Variants in GPR137C observed in about 807,000 individuals in gnomAD.
GPR137C encodes integral membrane protein GPR137C.
Under a neutral mutation model 43.4 loss-of-function variants are expected in GPR137C, and 27 were observed. That is an observed-to-expected ratio of 0.62 (90% CI 0.46 to 0.86). The LOEUF is 0.86. Ranked by LOEUF, GPR137C falls within the 40% of genes least tolerant of loss-of-function variation. The probability of loss-of-function intolerance (pLI) is 0.00; values close to 1 mark genes in which losing one functional copy is unlikely to be tolerated. For missense variants in GPR137C, 522 were observed against 534.6 expected, an observed-to-expected ratio of 0.98 and a Z score of 0.23; for synonymous variants, 285 against 226.9, an observed-to-expected ratio of 1.26 and a Z score of -2.30.
In GPR137C at chr14:52,632,217, TC is replaced by T; in HGVS notation, c.777del (p.Arg260GlufsTer16). 6.2e-7 allele frequency: 1 copy of T among 1,608,360 alleles called. No individual in the cohort carries two copies. Among genetic ancestry groups the T allele is most frequent in the Non-Finnish European group, 8.5e-7 (1 of 1,174,866 alleles). ...CTCTGTAGTCATTCTTCTGTACTCT[TC>T]CAGAGCTTGTTATAATTTGGTGGTG... ...VGSVVILLYS[S>X]RACYNLVVVT... On this transcript the variant is annotated frameshift_variant, in exon 4 of 7. Transcript: ENST00000321662. LOFTEE classifies it high-confidence loss of function.
At chr14:52,555,407 A>G (rs1429674786) in intron 1 of GPR137C, among the ~76,000 whole-genome samples, 1 of 152,178 alleles carries the variant, frequency 6.6e-6, no homozygotes, top group African/African-American at 2.4e-5. Flanking sequence ...ATTAAGATAT[A>G]AAGCATTTTC....
chr14:52,596,750 A>G (rs1326250597), intron 1 of GPR137C, among the ~76,000 whole-genome samples: 1 of 152,154 alleles, frequency 6.6e-6, no homozygotes, highest in Non-Finnish European at 1.5e-5. Context: ...TGCTTAGGAA[A>G]GGGAAATTCC....
At position 52,632,316 on chromosome 14, in the gene GPR137C, AC is replaced by A. The variant is rs748797464; in HGVS notation, c.867+9del. The A allele has an allele frequency of 1.9e-6, 3 of 1,596,674 alleles. No individual in the cohort carries two copies. The South Asian group carries it at 3.3e-5, about 18-fold the overall frequency. On this transcript the variant is annotated splice_region_variant and intron_variant, in intron 4 of 6. Coordinates refer to ENST00000321662, the MANE Select transcript of GPR137C (RefSeq NM_001099652.2). Reference sequence around the variant, plus strand: ...GGATAATCTTTCAGATAAGGTAAATACCTACCACGTATTGCCAGTCTAACAA... The same window carrying A: ...GGATAATCTTTCAGATAAGGTAAATACTACCACGTATTGCCAGTCTAACAA...
chr14:52,611,492 T>G (rs2039038787), intron 3 of GPR137C: 1 of 333,948 alleles, frequency 3.0e-6, no homozygotes, highest in African/African-American at 2.2e-5. Context: ...TTTTGTCATA[T>G]TCCTTGAATT....
chr14:52,616,434 C>G (rs1174073755), intron 3 of GPR137C, among the ~76,000 whole-genome samples: 1 of 152,148 alleles, frequency 6.6e-6, no homozygotes, highest in Non-Finnish European at 1.5e-5. Flanking sequence ...GCTGGAATTA[C>G]AGGCATGAGC....
intron 1 of GPR137C, among the ~76,000 whole-genome samples, chr14:52,558,954 T>C (rs2038237146): frequency 1.3e-5 from 2 of 152,142 alleles, no homozygotes; most frequent in South Asian, 4.1e-4. Flanking sequence ...ATATGTGTAA[T>C]TGGAATTATA....
chr14:52,620,506 T>C (rs1203642946), intron 3 of GPR137C, among the ~76,000 whole-genome samples: 1 of 151,970 alleles, frequency 6.6e-6, no homozygotes, highest in Non-Finnish European at 1.5e-5. Flanking sequence ...CTCTAAAATA[T>C]GTCACTCACA....
intron 3 of GPR137C, among the ~76,000 whole-genome samples, chr14:52,621,665 C>G (rs888463498): frequency 4.6e-5 from 7 of 151,738 alleles, no homozygotes; most frequent in Non-Finnish European, 8.9e-5. Flanking sequence ...TATACAGTTG[C>G]AAAGTTCTAA....
chr14:52,593,850 T>C (rs578028989), intron 1 of GPR137C, among the ~76,000 whole-genome samples: 1 of 152,204 alleles, frequency 6.6e-6, no homozygotes, highest in African/African-American at 2.4e-5. Flanking sequence ...CTCTGATCTT[T>C]GTTGTTTCTT....
chr14:52,599,393 ATTGT>A (rs2038895906), intron 2 of GPR137C, among the ~76,000 whole-genome samples: 2 of 148,216 alleles, frequency 1.3e-5, no homozygotes, highest in Admixed American at 6.7e-5. Flanking sequence ...CATAAGGAAT[ATTGT>A]TTAAAACATA....
At chr14:52,561,912 C>G (rs1385574829) in intron 1 of GPR137C, among the ~76,000 whole-genome samples, 1 of 152,146 alleles carries the variant, frequency 6.6e-6, no homozygotes, top group African/African-American at 2.4e-5. Context: ...AAAGGTTGTA[C>G]AGCTTTCTCA....
rs1204318949 is a variant in GPR137C at position 52,553,427 on chromosome 14, G to T, written c.280G>T (p.Ala94Ser). 11 of 1,609,030 alleles carry T rather than the reference G, an allele frequency of 6.8e-6. No individual in the cohort carries two copies. The highest frequency in any genetic ancestry group is 9.3e-6 in the Non-Finnish European group (11 of 1,179,802). ...CCTCTTCCTCTGTCTCCTGTGGGCA[G>T]CGCTCAGGACCACCCTCTTCTCCGC... Reference protein sequence around the residue: ...LCLFLCLLWAALRTTLFSAAF... With the variant: ...LCLFLCLLWASLRTTLFSAAF... Residue 94 changes from alanine to serine, a missense_variant, in exon 1 of 7, where the codon GCG becomes TCG. Transcript: ENST00000321662.
Position 52,635,083 on chromosome 14 carries a change from C to T in GPR137C, c.1258C>T (p.His420Tyr), listed in dbSNP as rs766305588. 8.1e-6 allele frequency: 13 copies of T among 1,598,416 alleles called. No individual in the cohort carries two copies. In the East Asian group the frequency reaches 2.9e-4, roughly 36 times the overall value. Reference sequence around the variant, plus strand: ...TTGTAGTAATTTAGATTTGAACAATCATCATAGCTTATATGTGACACCACA... The same window carrying T: ...TTGTAGTAATTTAGATTTGAACAATTATCATAGCTTATATGTGACACCACA... ...FTCSNLDLNNHHSLYVTPQN is the reference protein window; with the variant it reads ...FTCSNLDLNNYHSLYVTPQN Residue 420 changes from histidine to tyrosine, a missense_variant, in exon 7 of 7, where the codon CAT (histidine) becomes TAT (tyrosine). This residue lies in a region of GPR137C where 67 missense variants were observed against 69.0 expected (regional missense o/e 0.97). Transcript: ENST00000321662.
intron 1 of GPR137C, among the ~76,000 whole-genome samples, chr14:52,588,927 G>C (rs189658002): frequency 8.5e-5 from 13 of 152,194 alleles, no homozygotes; most frequent in Admixed American, 5.9e-4. Context: ...ATCATATATA[G>C]AACATTGATG....
chr14:52,619,109 C>T (rs1169877786), intron 3 of GPR137C, among the ~76,000 whole-genome samples: 1 of 152,158 alleles, frequency 6.6e-6, no homozygotes, highest in East Asian at 1.9e-4. Flanking sequence ...TTGATCCTTA[C>T]TATTTAACAT....
At chr14:52,612,349 T>C in intron 3 of GPR137C, 1 of 909,540 alleles carries the variant, frequency 1.1e-6, no homozygotes, top group Non-Finnish European at 1.3e-6. Flanking sequence ...CATTTCATCA[T>C]ATACCAAAAT....
intron 3 of GPR137C, among the ~76,000 whole-genome samples, chr14:52,607,743 C>T (rs1475939406): frequency 7.2e-5 from 11 of 152,014 alleles, no homozygotes; most frequent in African/African-American, 1.7e-4. Flanking sequence ...GGCATGGTGG[C>T]GCATGCCTGT....
intron 1 of GPR137C, among the ~76,000 whole-genome samples, chr14:52,570,126 A>G (rs2038442066): frequency 6.6e-6 from 1 of 152,244 alleles, no homozygotes; most frequent in African/African-American, 2.4e-5. Flanking sequence ...AGGGAAGCCC[A>G]TCAGACTAAC....
chr14:52,572,614 A>G (rs1269450431), intron 1 of GPR137C, among the ~76,000 whole-genome samples: 1 of 152,228 alleles, frequency 6.6e-6, no homozygotes, highest in Non-Finnish European at 1.5e-5. Context: ...AGTAAGAGCT[A>G]TTTATGACAA....
Sources: gnomAD v4.1 joint callset for allele counts (sites outside exome capture counted in the v4.1 genomes callset) on GRCh38, gnomAD v4.1.1 for gene constraint, gnomAD v4.1.1 regional missense constraint, MANE v1.5 for transcripts, NCBI Gene and HGNC (gene_info 2026-07-23, HGNC 2026-07-21) for gene names.